Variants in ASCC3 observed in about 807,000 individuals in gnomAD.
ASCC3 encodes ASC-1 complex subunit P200.
A neutral mutation model predicts 256.3 loss-of-function variants in ASCC3; 158 were observed. The ratio of observed to expected loss-of-function variants is 0.62; its 90% CI spans 0.54 to 0.70. The LOEUF is 0.70. Ranked by LOEUF, ASCC3 falls within the 30% of genes least tolerant of loss-of-function variation. ASCC3 has a pLI of 0.00. For missense variants in ASCC3, 2,259 were observed against 2,626.0 expected (o/e 0.86, Z 3.05); for synonymous variants, 948 against 883.4 (o/e 1.07, Z -1.30).
intron 37 of ASCC3, among the ~76,000 whole-genome samples, chr6:100,531,518 G>C (rs1344745431): frequency 6.6e-6 from 1 of 151,922 alleles, no homozygotes; most frequent in East Asian, 1.9e-4. Context: ...TCCAATAAGG[G>C]TGATATATTT....
intron 4 of ASCC3, among the ~76,000 whole-genome samples, chr6:100,818,577 A>AAG (rs1163645599): frequency 6.7e-6 from 1 of 150,258 alleles, no homozygotes; most frequent in East Asian, 2.1e-4. Context: ...TCAAAAAAAA[A>AAG]AAAAAAAGAA....
intron 37 of ASCC3, among the ~76,000 whole-genome samples, chr6:100,538,011 T>G (rs1047365108): frequency 1.3e-4 from 20 of 151,796 alleles, no homozygotes; most frequent in African/African-American, 4.3e-4. Flanking sequence ...TTTAAGAAAT[T>G]TCCTAGATTA....
Position 100,531,203 on chromosome 6 carries a change from T to C in ASCC3, c.5775+8960A>G, listed in dbSNP as rs549462275. ...AACTTTAAGGATACATCTTGGACCA[T>C]ATTGTATTTCATTCTTCTAATGGTG... On this transcript the variant is annotated intron_variant, in intron 37 of 41. Coordinates refer to ENST00000369162, the MANE Select transcript of ASCC3 (RefSeq NM_006828.4). Among the ~76,000 whole-genome samples the C allele has an allele frequency of 8.1e-4, 123 of 152,280 alleles. 1 individual carries two copies. Among genetic ancestry groups the C allele is most frequent in the Non-Finnish European group, 1.1e-3 (72 of 68,006 alleles).
In ASCC3 at chr6:100,848,308, GGCTT is replaced by G; in HGVS notation, c.637_640del (p.Lys213LeufsTer18). On this transcript the variant is annotated frameshift_variant, in exon 4 of 42. Coordinates refer to ENST00000369162, the MANE Select transcript of ASCC3 (RefSeq NM_006828.4). LOFTEE classifies it high-confidence loss of function. Reference sequence around the variant, plus strand: ...AAAGGAGCCATTTGTTTTTTCCACAGGCTTGAGTTCTGGGGTGCAAGCCTCCTGG... The same window carrying G: ...AAAGGAGCCATTTGTTTTTTCCACAGGAGTTCTGGGGTGCAAGCCTCCTGG... 1 of 1,613,980 alleles carries G rather than the reference GGCTT, an allele frequency of 6.2e-7. No individual in the cohort carries two copies.
chr6:100,571,072 A>G (rs995597636), intron 36 of ASCC3, among the ~76,000 whole-genome samples: 2 of 152,152 alleles, frequency 1.3e-5, no homozygotes, highest in African/African-American at 4.8e-5. Flanking sequence ...GGCTCCTCTG[A>G]ACACTTAGGA....
chr6:100,715,353 G>A, intron 13 of ASCC3, 109 bp downstream of exon 13: 1 of 956,094 alleles, frequency 1.0e-6, no homozygotes, highest in Non-Finnish European at 1.6e-6. Flanking sequence ...CATTGCCTCA[G>A]AATTAAAGAA....
chr6:100,772,779 G>T (rs1484100320), intron 8 of ASCC3, among the ~76,000 whole-genome samples: 1 of 152,110 alleles, frequency 6.6e-6, no homozygotes, highest in Non-Finnish European at 1.5e-5. Context: ...GCCACTACTT[G>T]CAATATAACT....
intron 13 of ASCC3, among the ~76,000 whole-genome samples, chr6:100,692,199 C>T (rs1777877352): frequency 6.6e-6 from 1 of 152,006 alleles, no homozygotes. Flanking sequence ...GCTATCATAT[C>T]TCTGGTATGA....
At chr6:100,709,550 A>C (rs546085143) in intron 13 of ASCC3, among the ~76,000 whole-genome samples, 41 of 152,154 alleles carry the variant, frequency 2.7e-4, no homozygotes, top group Admixed American at 7.9e-4. Flanking sequence ...GAGGACTGGG[A>C]AGGTTAAAAG....
chr6:100,741,554 A>G (rs1034182067), intron 10 of ASCC3, among the ~76,000 whole-genome samples: 2 of 152,084 alleles, frequency 1.3e-5, no homozygotes, highest in African/African-American at 4.8e-5. Flanking sequence ...CTAATCAAAT[A>G]TTTATCAGAG....
intron 30 of ASCC3, among the ~76,000 whole-genome samples, chr6:100,613,007 C>A (rs1773483472): frequency 6.6e-6 from 1 of 151,550 alleles, no homozygotes; most frequent in South Asian, 2.1e-4. Context: ...GCCAAATATA[C>A]ACAATACTAT....
intron 34 of ASCC3, among the ~76,000 whole-genome samples, chr6:100,595,699 T>C (rs757004628): frequency 2.6e-5 from 4 of 152,164 alleles, no homozygotes; most frequent in Non-Finnish European, 5.9e-5. Flanking sequence ...GTTGCCTCTG[T>C]CACTTGGGAG....
intron 30 of ASCC3, among the ~76,000 whole-genome samples, chr6:100,614,844 T>G (rs1239853594): frequency 1.3e-5 from 2 of 152,178 alleles, no homozygotes; most frequent in African/African-American, 4.8e-5. Context: ...TATAAATCTA[T>G]TTTTTATTAA....
In ASCC3 at chr6:100,718,125, G is replaced by A. The variant is rs377161298; in HGVS notation, c.2029C>T (p.Arg677Ter). 1.9e-6 allele frequency: 3 copies of A among 1,613,538 alleles called. No homozygotes were observed. The highest frequency in any genetic ancestry group is 2.5e-6 in the Non-Finnish European group (3 of 1,179,750). The change falls in exon 12 of 42, where the codon CGA becomes TGA. Residue 677 changes from arginine to a stop codon, truncating the protein, a stop_gained. Transcript: ENST00000369162. LOFTEE classifies it high-confidence loss of function. ...IGLFFFDGRFRPVPLGQTFLG... is the reference protein window; with the variant it reads ...IGLFFFDGRF ...AATGTCTGTCCAAGAGGTACTGGTC[G>A]AAAACGGCCATCAAAGAAGAAAAGT... is the stretch of plus-strand genomic sequence containing the variant.
chr6:100,517,364 A>G (rs534791291), intron 38 of ASCC3, among the ~76,000 whole-genome samples: 1 of 152,276 alleles, frequency 6.6e-6, no homozygotes, highest in South Asian at 2.1e-4. Flanking sequence ...TTGGCTGCAA[A>G]GTATCTCTTA....
intron 4 of ASCC3, among the ~76,000 whole-genome samples, chr6:100,806,102 A>G (rs998072821): frequency 2.6e-5 from 4 of 152,028 alleles, no homozygotes; most frequent in African/African-American, 9.7e-5. Context: ...ACATTATTCA[A>G]TTTTTAAAAA....
intron 10 of ASCC3, among the ~76,000 whole-genome samples, chr6:100,749,224 A>C (rs1780828346): frequency 6.6e-6 from 1 of 152,088 alleles, no homozygotes; most frequent in Non-Finnish European, 1.5e-5. Flanking sequence ...AGTCATCAGA[A>C]GTACACAGTT....
intron 10 of ASCC3, among the ~76,000 whole-genome samples, chr6:100,759,768 T>C (rs748341814): frequency 1.4e-4 from 21 of 152,232 alleles, no homozygotes; most frequent in Non-Finnish European, 2.8e-4. Flanking sequence ...TTTCACAATA[T>C]TGATTCTTCC....
At chr6:100,583,544 G>C (rs996244668) in intron 36 of ASCC3, among the ~76,000 whole-genome samples, 2 of 152,106 alleles carry the variant, frequency 1.3e-5, no homozygotes, top group Non-Finnish European at 2.9e-5. Context: ...ACCAGCTCCT[G>C]AATTCATTAA....
Sources: gnomAD v4.1 joint callset for allele counts (sites outside exome capture counted in the v4.1 genomes callset) on GRCh38, gnomAD v4.1.1 for gene constraint, MANE v1.5 for transcripts, NCBI Gene and HGNC (gene_info 2026-07-23, HGNC 2026-07-21) for gene names.